VPS26A: variants seen among roughly 807,000 people sequenced by gnomAD.
VPS26A encodes VPS26 retromer complex component A.
Under a neutral mutation model 42.4 loss-of-function variants are expected in VPS26A, and 22 were observed. The observed-to-expected ratio is 0.52, with a 90% CI of 0.37 to 0.74. The LOEUF is 0.74. VPS26A is among the 30% of genes least tolerant of loss of function. VPS26A has a pLI of 0.00. For missense variants in VPS26A, 276 were observed against 379.2 expected (o/e 0.73, Z 2.26); for synonymous variants, 110 against 123.5 (o/e 0.89, Z 0.73).
At chr10:69,159,474 A>T (rs1841505525) in intron 5 of VPS26A, among the ~76,000 whole-genome samples, 1 of 152,192 alleles carries the variant, frequency 6.6e-6, no homozygotes, top group Non-Finnish European at 1.5e-5. Context: ...TAGCCATAAA[A>T]ACAGCATGCA....
At chr10:69,133,463 G>GT (rs1202767884) in intron 2 of VPS26A, 2 of 941,262 alleles carry the variant, frequency 2.1e-6, no homozygotes, top group East Asian at 6.6e-5. Context: ...CTTTCTAAAG[G>GT]TTTTTTTACA....
rs929089824 is a variant in VPS26A, at chr10:69,133,153, GA to G, written c.153+107del. 45 of 1,178,630 alleles carry G rather than the reference GA, an allele frequency of 3.8e-5. No homozygotes were observed. In the East Asian group the frequency reaches 4.0e-4, roughly 10 times the overall value. 73.0% of individuals were successfully genotyped at this position (1,178,630 alleles called of 1,614,324 possible). On this transcript the variant is annotated intron_variant, in intron 2 of 8. Transcript: ENST00000263559. ...TTTGAATAATTTTATGAGGGAGAGA[GA>G]TTTTTTTTTCCCTAAAGTTCAGCTA...
chr10:69,127,093 A>AT (rs71035057), intron 1 of VPS26A, among the ~76,000 whole-genome samples: 4,883 of 97,484 alleles, frequency 0.05, 258 homozygotes, highest in African/African-American at 0.15. Flanking sequence ...CACCCGGCCA[A>AT]TTTTTTTTTT....
chr10:69,148,800 C>T (rs536411764), intron 2 of VPS26A, among the ~76,000 whole-genome samples: 8 of 146,082 alleles, frequency 5.5e-5, no homozygotes, highest in African/African-American at 1.0e-4. Flanking sequence ...CTGTTGCCTA[C>T]GCTGGAGTGC....
chr10:69,167,444 G>GA (rs148169430), intron 7 of VPS26A, among the ~76,000 whole-genome samples: 345 of 77,500 alleles, frequency 4.5e-3, no homozygotes, highest in Middle Eastern at 0.013. Context: ...AAAAGAAAAA[G>GA]AAAAAAAAAA....
At chr10:69,158,244 A>T in intron 5 of VPS26A, 33 bp downstream of exon 5, 1 of 1,505,052 alleles carries the variant, frequency 6.6e-7, no homozygotes, top group South Asian at 1.3e-5. Flanking sequence ...TTGTTCAGAG[A>T]AAATTCAAAA....
chr10:69,163,101 G>A (rs1468749684), intron 6 of VPS26A, among the ~76,000 whole-genome samples: 2 of 152,160 alleles, frequency 1.3e-5, no homozygotes, highest in Non-Finnish European at 2.9e-5. Context: ...ACAATGTGTA[G>A]AATACTTTAT....
intron 1 of VPS26A, among the ~76,000 whole-genome samples, chr10:69,126,280 G>C (rs1378502272): frequency 6.6e-6 from 1 of 152,084 alleles, no homozygotes; most frequent in Non-Finnish European, 1.5e-5. Context: ...TGGCCAACAT[G>C]GCGAAACCCC....
At chr10:69,168,301 C>T (rs1195898030) in intron 7 of VPS26A, among the ~76,000 whole-genome samples, 188 bp from the exon 8 acceptor site, 2 of 152,138 alleles carry the variant, frequency 1.3e-5, no homozygotes, top group African/African-American at 4.8e-5. Context: ...AAGGATAGGA[C>T]CCTCCCCACA....
intron 5 of VPS26A, among the ~76,000 whole-genome samples, chr10:69,158,548 C>T (rs2132228330): frequency 6.6e-6 from 1 of 152,064 alleles, no homozygotes; most frequent in Non-Finnish European, 1.5e-5. Flanking sequence ...TTCACCTTTA[C>T]CACTTAATCA....
intron 2 of VPS26A, among the ~76,000 whole-genome samples, chr10:69,136,484 C>G (rs1840914226): frequency 6.6e-6 from 1 of 151,954 alleles, no homozygotes; most frequent in African/African-American, 2.4e-5. Flanking sequence ...TTGGGTCAGG[C>G]TGGTCTCGAA....
At chr10:69,163,791 A>T in intron 6 of VPS26A, among the ~76,000 whole-genome samples, 1 of 135,920 alleles carries the variant, frequency 7.4e-6, no homozygotes, top group Non-Finnish European at 1.5e-5. Context: ...TTTGAGACGG[A>T]GTCTCGCTCT....
At chr10:69,142,563 A>G (rs1312667024) in intron 2 of VPS26A, among the ~76,000 whole-genome samples, 1 of 152,132 alleles carries the variant, frequency 6.6e-6, no homozygotes, top group East Asian at 1.9e-4. Flanking sequence ...AAAAAGTGGT[A>G]TAGATTTGTA....
chr10:69,125,509 C>T (rs1359135149), intron 1 of VPS26A, among the ~76,000 whole-genome samples: 2 of 152,108 alleles, frequency 1.3e-5, no homozygotes, highest in African/African-American at 4.8e-5. Context: ...TATTGGGGGA[C>T]CTTGCCTAGT....
chr10:69,151,282 A>AAAAAAAAAAAAAAC (rs71035063), intron 2 of VPS26A, among the ~76,000 whole-genome samples: 2 of 136,776 alleles, frequency 1.5e-5, no homozygotes, highest in African/African-American at 6.6e-5. Context: ...AAAAAAAAAA[A>AAAAAAAAAAAAAAC]ACACACACAC....
intron 1 of VPS26A, among the ~76,000 whole-genome samples, chr10:69,126,230 G>A (rs1840650246): frequency 1.3e-5 from 1 of 75,872 alleles, no homozygotes; most frequent in African/African-American, 3.2e-5. Context: ...GGAGGCCGAG[G>A]TGGGCGGATC....
intron 7 of VPS26A, 106 bp downstream of exon 7, chr10:69,166,216 A>G: frequency 1.0e-6 from 1 of 993,738 alleles, no homozygotes; most frequent in East Asian, 2.5e-5. Context: ...TTCTTAAACC[A>G]TTCTTACAAT....
chr10:69,141,872 A>C (rs2132202886), intron 2 of VPS26A, among the ~76,000 whole-genome samples: 1 of 152,262 alleles, frequency 6.6e-6, no homozygotes, highest in East Asian at 1.9e-4. Flanking sequence ...GAAGTTCTTC[A>C]TAATGATACA....
At chr10:69,126,025 T>C (rs992672652) in intron 1 of VPS26A, among the ~76,000 whole-genome samples, 5 of 152,250 alleles carry the variant, frequency 3.3e-5, no homozygotes, top group African/African-American at 1.2e-4. Flanking sequence ...AGCATGTTTT[T>C]ATAGTCATAT....
Sources: gnomAD v4.1 joint callset for allele counts (sites outside exome capture counted in the v4.1 genomes callset) on GRCh38, gnomAD v4.1.1 for gene constraint, MANE v1.5 for transcripts, NCBI Gene and HGNC (gene_info 2026-07-23, HGNC 2026-07-21) for gene names.